LRMDA: variants seen among roughly 807,000 people sequenced by gnomAD.
LRMDA encodes the protein leucine rich melanocyte differentiation associated, also known as leucine-rich melanocyte differentiation-associated protein.
In LRMDA, 18 loss-of-function variants were observed where a neutral mutation model predicts 29.8. The ratio of observed to expected loss-of-function variants is 0.60; its 90% CI spans 0.42 to 0.90. LRMDA has a LOEUF of 0.90. Among genes scored for constraint, LRMDA ranks in the 40% least tolerant of loss-of-function variants. LRMDA has a pLI of 0.00. For synonymous variants in LRMDA, 125 were observed against 109.4 expected, an observed-to-expected ratio of 1.14 and a Z score of -0.89; for missense variants, 273 against 273.9, an observed-to-expected ratio of 1.00 and a Z score of 0.02.
intron 2 of LRMDA, among the ~76,000 whole-genome samples, chr10:75,740,341 G>A (rs1032769544): frequency 2.6e-5 from 4 of 152,172 alleles, no homozygotes; most frequent in African/African-American, 4.8e-5. Flanking sequence ...CTGGGAACAC[G>A]GGTGTCTGCT....
At chr10:76,512,613 G>C (rs1158430658) in intron 6 of LRMDA, among the ~76,000 whole-genome samples, 1 of 152,076 alleles carries the variant, frequency 6.6e-6, no homozygotes, top group Non-Finnish European at 1.5e-5. Context: ...CAGCTAAAAT[G>C]ATAAAATTTT....
At chr10:76,161,584 TTTCCTAC>T in intron 5 of LRMDA, among the ~76,000 whole-genome samples, 1 of 152,350 alleles carries the variant, frequency 6.6e-6, no homozygotes, top group Non-Finnish European at 1.5e-5. Flanking sequence ...CATATTTTCT[TTTCCTAC>T]CAGGCTGTTC....
intron 2 of LRMDA, among the ~76,000 whole-genome samples, chr10:75,752,579 G>T (rs1324848167): frequency 6.6e-6 from 1 of 152,144 alleles, no homozygotes; most frequent in Non-Finnish European, 1.5e-5. Flanking sequence ...GTATACTTTG[G>T]TATGGTGACA....
At chr10:75,537,067 G>A (rs1839958432) in intron 2 of LRMDA, among the ~76,000 whole-genome samples, 1 of 152,112 alleles carries the variant, frequency 6.6e-6, no homozygotes, top group African/African-American at 2.4e-5. Flanking sequence ...CTTGCCTTAC[G>A]TTCCGGTCAA....
rs116226636 is a variant in LRMDA at position 76,094,990 on chromosome 10, T to C, written c.516+36207T>C. Among the ~76,000 whole-genome samples, 295 of 152,318 alleles carry C rather than the reference T, an allele frequency of 1.9e-3. 4 individuals are homozygous for C. The highest frequency in any genetic ancestry group is 6.9e-3 in the African/African-American group (288 of 41,576). ...GAAGGTTCTTGAGGAATAATTTACTTATAGTAAAATTTACCCTTAGTGTAG... is the reference window on the plus strand; with the variant it reads ...GAAGGTTCTTGAGGAATAATTTACTCATAGTAAAATTTACCCTTAGTGTAG... On this transcript the variant is annotated intron_variant, in intron 5 of 6. Transcript: ENST00000611255.
chr10:75,951,118 C>T (rs980412063), intron 2 of LRMDA, among the ~76,000 whole-genome samples: 1 of 152,188 alleles, frequency 6.6e-6, no homozygotes, highest in African/African-American at 2.4e-5. Flanking sequence ...AACTGTCCTG[C>T]CATCCCTGGT....
At chr10:75,635,916 A>G (rs1450851315) in intron 2 of LRMDA, among the ~76,000 whole-genome samples, 1 of 152,142 alleles carries the variant, frequency 6.6e-6, no homozygotes, top group Admixed American at 6.5e-5. Context: ...CAAAGTCTCA[A>G]TGGTTAGTGC....
At chr10:75,716,889 A>G (rs1233432180) in intron 2 of LRMDA, among the ~76,000 whole-genome samples, 1 of 152,230 alleles carries the variant, frequency 6.6e-6, no homozygotes, top group East Asian at 1.9e-4. Flanking sequence ...TATGATATGA[A>G]AAATGAGGGA....
intron 2 of LRMDA, among the ~76,000 whole-genome samples, chr10:75,462,261 A>AT (rs1163446886): frequency 2.0e-5 from 3 of 152,236 alleles, no homozygotes; most frequent in African/African-American, 7.2e-5. Flanking sequence ...AATTCATCAC[A>AT]TTCGAGCCCA....
chr10:76,234,222 C>A (rs1166138218), intron 5 of LRMDA, among the ~76,000 whole-genome samples: 2 of 152,084 alleles, frequency 1.3e-5, no homozygotes, highest in African/African-American at 4.8e-5. Context: ...CTTGGGTGAC[C>A]AGGTATATTG....
chr10:76,159,190 T>C (rs74150527), intron 5 of LRMDA, among the ~76,000 whole-genome samples: 4,653 of 152,270 alleles, frequency 0.031, 221 homozygotes, highest in African/African-American at 0.1. Flanking sequence ...AACATTCTTA[T>C]TTTCAAATAA....
chr10:75,903,473 A>G (rs1023675316), intron 2 of LRMDA, among the ~76,000 whole-genome samples: 1 of 152,264 alleles, frequency 6.6e-6, no homozygotes, highest in African/African-American at 2.4e-5. Flanking sequence ...AAATAAAATC[A>G]CTTCGCGATT....
At chr10:76,218,884 G>A (rs1283531017) in intron 5 of LRMDA, among the ~76,000 whole-genome samples, 1 of 152,186 alleles carries the variant, frequency 6.6e-6, no homozygotes, top group East Asian at 1.9e-4. Flanking sequence ...CAGTCCCATG[G>A]GGAGCAGCCA....
chr10:76,086,030 T>C (rs567156989), intron 5 of LRMDA, among the ~76,000 whole-genome samples: 1 of 152,328 alleles, frequency 6.6e-6, no homozygotes, highest in South Asian at 2.1e-4. Flanking sequence ...TTTTATAGTC[T>C]TCTCAAGTTT....
chr10:76,119,547 T>C (rs1191378879), intron 5 of LRMDA, among the ~76,000 whole-genome samples: 3 of 152,192 alleles, frequency 2.0e-5, no homozygotes, highest in Admixed American at 6.5e-5. Flanking sequence ...CCTGTGACCA[T>C]ACATTTCTGT....
intron 6 of LRMDA, among the ~76,000 whole-genome samples, chr10:76,376,028 C>T (rs900161838): frequency 2.0e-5 from 3 of 151,676 alleles, no homozygotes; most frequent in African/African-American, 7.3e-5. Flanking sequence ...CATGAGGGTA[C>T]AAGTACATTA....
intron 2 of LRMDA, among the ~76,000 whole-genome samples, chr10:75,897,159 A>G (rs1165033041): frequency 1.3e-5 from 2 of 152,164 alleles, no homozygotes; most frequent in African/African-American, 4.8e-5. Flanking sequence ...AGCAATATCT[A>G]TCTATGTGTT....
chr10:76,230,672 T>C (rs1852042913), intron 5 of LRMDA, among the ~76,000 whole-genome samples: 1 of 152,130 alleles, frequency 6.6e-6, no homozygotes, highest in Non-Finnish European at 1.5e-5. Flanking sequence ...ATCTGAGCTG[T>C]CTTGCAATAC....
chr10:75,636,655 C>A (rs1259613878), intron 2 of LRMDA, among the ~76,000 whole-genome samples: 1 of 151,814 alleles, frequency 6.6e-6, no homozygotes, highest in East Asian at 1.9e-4. Flanking sequence ...GAGTGATATT[C>A]TTAATTCATT....
Sources: allele counts gnomAD v4.1 joint callset (sites outside exome capture counted in the v4.1 genomes callset), GRCh38; gene constraint gnomAD v4.1.1; transcripts MANE v1.5; gene names NCBI Gene and HGNC (gene_info 2026-07-23, HGNC 2026-07-21).